KREMEN1: variants seen among roughly 807,000 people sequenced by gnomAD.
KREMEN1 encodes the protein kremen protein 1.
A neutral mutation model predicts 46.5 loss-of-function variants in KREMEN1; 30 were observed. The observed-to-expected ratio is 0.65, with a 90% CI of 0.48 to 0.88. The LOEUF (loss-of-function observed/expected upper bound fraction) is 0.88, where lower values mean the gene tolerates loss of function less well. Ranked by LOEUF, KREMEN1 falls within the 40% of genes least tolerant of loss-of-function variation. The pLI is 0.00. For missense variants in KREMEN1, 533 were observed against 596.9 expected, an observed-to-expected ratio of 0.89 and a Z score of 1.11; for synonymous variants, 214 against 230.6, an observed-to-expected ratio of 0.93 and a Z score of 0.65.
chr22:29,095,739 G>C (rs1294718417), intron 2 of KREMEN1, among the ~76,000 whole-genome samples: 4 of 152,042 alleles, frequency 2.6e-5, no homozygotes, highest in Non-Finnish European at 4.4e-5. Context: ...CCTTGTAGTT[G>C]TCTCAAAGTC....
chr22:29,127,479 G>A lies in KREMEN1; in HGVS notation c.631+2063G>A, dbSNP rs1252852934. Among the ~76,000 whole-genome samples the A allele has an allele frequency of 3.3e-5, 5 of 152,156 alleles. No individual in the cohort carries two copies. In the East Asian group the frequency reaches 9.6e-4, roughly 29 times the overall value. On this transcript the variant is annotated intron_variant, in intron 5 of 8. Coordinates refer to ENST00000400335, the MANE Select transcript of KREMEN1 (RefSeq NM_001039570.3). ...ACAGTCTGGCCAGCCTGGCCAACAT[G>A]GTGAAACCCCATCTCTACTAAAAAT... is the stretch of plus-strand genomic sequence containing the variant.
At chr22:29,150,222 G>C (rs1038690506), downstream of KREMEN1, among the ~76,000 whole-genome samples, 2 of 13,876 alleles carry the variant, frequency 1.4e-4, no homozygotes, top group African/African-American at 2.1e-4. Flanking sequence ...AGCAACTGGT[G>C]GGGGGGGGGG....
At chr22:29,082,782 A>G (rs897971907) in intron 1 of KREMEN1, among the ~76,000 whole-genome samples, 35 of 152,188 alleles carry the variant, frequency 2.3e-4, no homozygotes, top group African/African-American at 8.0e-4. Context: ...TCTGGTTTCT[A>G]TAGAAGTTAG....
chr22:29,159,942 C>G (rs2038995717), intron 9 of KREMEN1, among the ~76,000 whole-genome samples: 1 of 151,860 alleles, frequency 6.6e-6, no homozygotes, highest in African/African-American at 2.4e-5. Flanking sequence ...TCTCTTAGCC[C>G]CATAATAGTG....
intron 9 of KREMEN1, among the ~76,000 whole-genome samples, chr22:29,153,595 G>C (rs957670238): frequency 6.6e-6 from 1 of 152,070 alleles, no homozygotes; most frequent in Non-Finnish European, 1.5e-5. Context: ...CTGGGCTCAA[G>C]TGATCCTCTC....
downstream of KREMEN1, among the ~76,000 whole-genome samples, chr22:29,149,309 C>T (rs2038897475): frequency 1.3e-5 from 2 of 152,166 alleles, no homozygotes; most frequent in Non-Finnish European, 2.9e-5. Context: ...ACTACAGGCA[C>T]GTGCCACCAT....
chr22:29,152,908 G>A (rs9625722), intron 9 of KREMEN1, among the ~76,000 whole-genome samples: 19,071 of 152,216 alleles, frequency 0.13, 1,298 homozygotes, highest in African/African-American at 0.15. Flanking sequence ...ATAAAGGAGG[G>A]CTACTCCATA....
At chr22:29,117,499 G>A (rs2881801) in intron 3 of KREMEN1, among the ~76,000 whole-genome samples, 54,384 of 151,358 alleles carry the variant, frequency 0.36, 11,210 homozygotes, top group East Asian at 0.64. Flanking sequence ...CCCGGGAGGC[G>A]GAGCTTGCAG....
chr22:29,098,925 G>A lies in KREMEN1; in HGVS notation c.324G>A (p.Trp108Ter). The A allele has an allele frequency of 6.2e-7, 1 of 1,613,936 alleles. No individual in the cohort carries two copies. The highest frequency in any genetic ancestry group is 8.5e-7 in the Non-Finnish European group (1 of 1,179,794). Residue 108 changes from tryptophan to a stop codon, truncating the protein, a stop_gained, in exon 3 of 9, where the codon TGG becomes TGA. Transcript: ENST00000400335. LOFTEE classifies it high-confidence loss of function. ...CAGAGCACGAGGATGGTGTCTACTG[G>A]AAGTACTGTGAGATACCTGCTTGCC... ...YVAEHEDGVYWKYCEIPACQM... is the reference protein window; with the variant it reads ...YVAEHEDGVY
chr22:29,096,822 T>A (rs1394454819), intron 2 of KREMEN1, among the ~76,000 whole-genome samples: 1 of 152,100 alleles, frequency 6.6e-6, no homozygotes, highest in Non-Finnish European at 1.5e-5. Flanking sequence ...GGGAGGAAAA[T>A]GACAATGAAA....
intron 3 of KREMEN1, among the ~76,000 whole-genome samples, chr22:29,107,700 A>G (rs1181658198): frequency 6.6e-6 from 1 of 151,858 alleles, no homozygotes; most frequent in East Asian, 2.0e-4. Context: ...CCTGGGCAAC[A>G]TAGGGAGACC....
At chr22:29,077,995 TA>T (rs1351064486) in intron 1 of KREMEN1, among the ~76,000 whole-genome samples, 1 of 152,196 alleles carries the variant, frequency 6.6e-6, no homozygotes, top group Non-Finnish European at 1.5e-5. Context: ...CTCAAGCCTG[TA>T]ATCCCAGCAG....
At chr22:29,133,408 C>T (rs1223890181) in intron 5 of KREMEN1, among the ~76,000 whole-genome samples, 1 of 152,030 alleles carries the variant, frequency 6.6e-6, no homozygotes, top group Non-Finnish European at 1.5e-5. Flanking sequence ...TCAAGCAATC[C>T]TCCTGCCTTA....
intron 9 of KREMEN1, among the ~76,000 whole-genome samples, chr22:29,166,014 G>C (rs2039050175): frequency 6.6e-6 from 1 of 152,158 alleles, no homozygotes; most frequent in Admixed American, 6.5e-5. Context: ...GGTCAAATTT[G>C]CTGGAAGGCA....
chr22:29,143,905 GA>G lies in KREMEN1; in HGVS notation c.*1795del, dbSNP rs548521663. The G allele has an allele frequency of 1.3e-4, 130 of 985,510 alleles. No individual in the cohort carries two copies. The South Asian group carries it at 5.5e-3, about 42-fold the overall frequency. The allele number at this position is 985,510 out of a possible 1,614,324, so 61.0% of individuals were successfully genotyped here. ...AGGTGGGCTGCAGAGATTGGTGCCA[GA>G]AGAGGGTGGGTTTGGGAATTGGAGC... On this transcript the variant is annotated 3_prime_UTR_variant, in exon 9 of 9. Transcript: ENST00000400335.
intron 1 of KREMEN1, among the ~76,000 whole-genome samples, chr22:29,080,586 G>C (rs767359389): frequency 6.6e-6 from 1 of 152,196 alleles, no homozygotes; most frequent in East Asian, 1.9e-4. Flanking sequence ...CTTTGTTAGG[G>C]GCTTGGAGGG....
downstream of KREMEN1, among the ~76,000 whole-genome samples, chr22:29,148,391 C>T (rs1477202730): frequency 2.6e-5 from 4 of 151,542 alleles, no homozygotes; most frequent in Admixed American, 6.6e-5. Flanking sequence ...CCAAGGTGGG[C>T]AGGAGTAGGA....
At chr22:29,141,900 G>T in intron 8 of KREMEN1, 44 bp from the exon 9 acceptor site, 1 of 1,463,696 alleles carries the variant, frequency 6.8e-7, no homozygotes, top group South Asian at 1.4e-5. Flanking sequence ...TAGGTTGTTT[G>T]CGTTGTTCTA....
At chr22:29,147,065 A>G (rs2038875606), downstream of KREMEN1, among the ~76,000 whole-genome samples, 1 of 152,138 alleles carries the variant, frequency 6.6e-6, no homozygotes, top group Non-Finnish European at 1.5e-5. Context: ...CCCACATCCA[A>G]GGAGGGTCAG....
Sources: gnomAD v4.1 joint callset for allele counts (sites outside exome capture counted in the v4.1 genomes callset) on GRCh38, gnomAD v4.1.1 for gene constraint, MANE v1.5 for transcripts, NCBI Gene and HGNC (gene_info 2026-07-23, HGNC 2026-07-21) for gene names.